The following OPHN1 variants were observed in gnomAD, a reference collection of about 807,000 sequenced individuals.
The protein encoded by OPHN1 is oligophrenin 1, also known as oligophrenin-1.
A neutral mutation model predicts 60.7 loss-of-function variants in OPHN1; 11 were observed. That is an observed-to-expected ratio of 0.18 (90% confidence interval 0.11 to 0.30). OPHN1 has a LOEUF of 0.30. Among genes scored for constraint, OPHN1 ranks in the 10% least tolerant of loss-of-function variants. The pLI is 1.00. For synonymous variants in OPHN1, 226 were observed against 222.6 expected (o/e 1.02, Z -0.14); for missense variants, 449 against 611.0 (o/e 0.73, Z 2.80).
At chrX:68,112,468 T>C (rs2077109581) in intron 17 of OPHN1, 1 of 115,716 alleles carries the variant, frequency 8.6e-6, no homozygotes, top group African/African-American at 3.3e-5. Flanking sequence ...TGGATTCCTG[T>C]TAAAATCACT....
chrX:68,214,087 T>C (rs2147485221), intron 6 of OPHN1, 115 bp from the exon 7 acceptor site: 1 of 505,316 alleles, frequency 2.0e-6, no homozygotes, highest in South Asian at 2.8e-5. Context: ...CAACTAGTGA[T>C]GTTACCTTTT....
chrX:68,075,622 G>A (rs1387219543), intron 19 of OPHN1, among the ~76,000 whole-genome samples: 1 of 110,658 alleles, frequency 9.0e-6, no homozygotes, highest in Non-Finnish European at 1.9e-5. Flanking sequence ...AGACAGTGTG[G>A]CACTGATGTC....
At chrX:68,402,049 A>C (rs1184645490) in intron 2 of OPHN1, among the ~76,000 whole-genome samples, 2 of 111,739 alleles carry the variant, frequency 1.8e-5, no homozygotes, top group Non-Finnish European at 3.8e-5. Context: ...TTAGTTTCAA[A>C]CAGTTCATCT....
At chrX:68,336,994 G>A (rs2078327038) in intron 2 of OPHN1, among the ~76,000 whole-genome samples, 1 of 110,401 alleles carries the variant, frequency 9.1e-6, no homozygotes. Context: ...CCGGGAGGGA[G>A]AGGTTGTGGT....
chrX:68,146,399 T>A (rs1202388593), intron 15 of OPHN1, among the ~76,000 whole-genome samples: 33 of 112,176 alleles, frequency 2.9e-4, no homozygotes, highest in Non-Finnish European at 3.8e-5. Flanking sequence ...ATTAGTGAGA[T>A]AACTGGATTA....
chrX:68,218,152 T>C (rs1165384696), intron 6 of OPHN1, among the ~76,000 whole-genome samples: 3 of 93,140 alleles, frequency 3.2e-5, no homozygotes, highest in Non-Finnish European at 4.3e-5. Flanking sequence ...CAGGAGCCGA[T>C]GCGATCAACT....
chrX:68,241,912 A>T (rs745390713), intron 5 of OPHN1, among the ~76,000 whole-genome samples: 1 of 110,326 alleles, frequency 9.1e-6, no homozygotes. Flanking sequence ...CAAGAGCAAA[A>T]CTCCATCTCA....
chrX:68,177,837 C>T (rs1475416), intron 15 of OPHN1, among the ~76,000 whole-genome samples: 13,957 of 111,155 alleles, frequency 0.13, 698 homozygotes, highest in African/African-American at 0.18. Context: ...CCTACTAGGC[C>T]CCACCTCCAA....
In OPHN1 at chrX:68,359,855, C is replaced by CAAA. The variant is rs1186524030; in HGVS notation, c.155-60762_155-60760dup. ...TGGGCGACAGAGCGAGACTCCGTCT[C>CAAA]AAAAAAAAAAAAAAAAAAAAAAAAA... On this transcript the variant is annotated intron_variant, in intron 2 of 24. Transcript: ENST00000355520. Among the ~76,000 whole-genome samples, 61 of 19,196 alleles carry CAAA rather than the reference C, an allele frequency of 3.2e-3. 7 individuals are homozygous for CAAA. The highest frequency in any genetic ancestry group is 6.6e-3 in the African/African-American group (51 of 7,677). 16.7% of individuals were successfully genotyped at this position (19,196 alleles called of 115,157 possible). A position where few individuals can be genotyped will look rare whatever the true frequency, so the allele number is the denominator to read the frequency against.
chrX:68,064,555 A>T (rs1299671260), intron 20 of OPHN1, among the ~76,000 whole-genome samples: 2 of 112,531 alleles, frequency 1.8e-5, no homozygotes, highest in Non-Finnish European at 3.7e-5. Flanking sequence ...CACTTCTCTG[A>T]AAAGTATTTT....
chrX:68,255,415 T>A (rs2077857491), intron 5 of OPHN1, among the ~76,000 whole-genome samples: 1 of 112,674 alleles, frequency 8.9e-6, no homozygotes, highest in Non-Finnish European at 1.9e-5. Flanking sequence ...ATTGTGGCCA[T>A]GCCACGGTAC....
chrX:68,187,925 C>A (rs745404084), intron 15 of OPHN1, among the ~76,000 whole-genome samples: 1 of 111,896 alleles, frequency 8.9e-6, no homozygotes, highest in Non-Finnish European at 1.9e-5. Context: ...CCGTGCCCAG[C>A]CAAATATGTA....
At chrX:68,419,552 T>TC (rs1483462625) in intron 2 of OPHN1, among the ~76,000 whole-genome samples, 1 of 105,477 alleles carries the variant, frequency 9.5e-6, no homozygotes, top group Non-Finnish European at 2.0e-5. Flanking sequence ...TTTTTTTTTT[T>TC]TTTTTTGAGA....
At chrX:68,068,372 G>A (rs1019465082) in intron 20 of OPHN1, among the ~76,000 whole-genome samples, 2 of 106,145 alleles carry the variant, frequency 1.9e-5, no homozygotes, top group African/African-American at 6.9e-5. Context: ...TCGGGAGGCT[G>A]AGGCAGGAGA....
intron 2 of OPHN1, among the ~76,000 whole-genome samples, chrX:68,412,797 A>G (rs182708694): frequency 1.8e-5 from 2 of 112,212 alleles, no homozygotes; most frequent in African/African-American, 6.5e-5. Context: ...ATAAAAAGAA[A>G]GACACTAGAC....
intron 3 of OPHN1, among the ~76,000 whole-genome samples, chrX:68,291,360 T>C (rs1353346857): frequency 2.7e-5 from 3 of 111,952 alleles, no homozygotes; most frequent in Non-Finnish European, 5.6e-5. Flanking sequence ...AATAGGAACG[T>C]CTTGGGATCA....
At chrX:68,336,491 G>C (rs1286413020) in intron 2 of OPHN1, 1 of 111,035 alleles carries the variant, frequency 9.0e-6, no homozygotes, top group African/African-American at 3.3e-5. Context: ...GGAGATCAAG[G>C]TTGCAGTAAG....
At chrX:68,244,522 T>G (rs1454157570) in intron 5 of OPHN1, among the ~76,000 whole-genome samples, 2 of 111,765 alleles carry the variant, frequency 1.8e-5, no homozygotes, top group African/African-American at 6.5e-5. Flanking sequence ...GTGGCCAAAT[T>G]AACATCTGTT....
intron 2 of OPHN1, among the ~76,000 whole-genome samples, chrX:68,363,478 T>G (rs2078483777): frequency 9.3e-6 from 1 of 107,952 alleles, no homozygotes; most frequent in African/African-American, 3.4e-5. Context: ...CCCAGCTATG[T>G]TTTTTTTTAT....
Sources: allele counts gnomAD v4.1 joint callset (sites outside exome capture counted in the v4.1 genomes callset), GRCh38; gene constraint gnomAD v4.1.1; transcripts MANE v1.5; gene names NCBI Gene and HGNC (gene_info 2026-07-23, HGNC 2026-07-21).